Variants in SERINC1 observed in about 807,000 individuals in gnomAD.
SERINC1 encodes the protein serine incorporator 1.
Under a neutral mutation model 52.9 loss-of-function variants are expected in SERINC1, and 38 were observed. That is an observed-to-expected ratio of 0.72 (90% CI 0.55 to 0.94). The LOEUF (loss-of-function observed/expected upper bound fraction) is 0.94. Among genes scored for constraint, SERINC1 ranks in the 40% least tolerant of loss-of-function variants. The pLI, the probability that SERINC1 is intolerant of heterozygous loss-of-function variation, is 0.00. For missense variants in SERINC1, 471 were observed against 533.9 expected (o/e 0.88, Z 1.16); for synonymous variants, 198 against 183.1 (o/e 1.08, Z -0.66).
At chr6:122,447,535 C>T (rs1305754870) in intron 7 of SERINC1, among the ~76,000 whole-genome samples, 1 of 152,094 alleles carries the variant, frequency 6.6e-6, no homozygotes, top group African/African-American at 2.4e-5. Flanking sequence ...ATTACCTCTA[C>T]AATCAGGAAA....
chr6:122,469,816 C>A (rs559501915), intron 1 of SERINC1, among the ~76,000 whole-genome samples: 1 of 152,266 alleles, frequency 6.6e-6, no homozygotes, highest in African/African-American at 2.4e-5. Context: ...CCTCATCCTC[C>A]CAAGTGCTGG....
intron 1 of SERINC1, among the ~76,000 whole-genome samples, chr6:122,463,709 T>C (rs1050746865): frequency 3.3e-5 from 5 of 152,168 alleles, no homozygotes; most frequent in African/African-American, 1.2e-4. Flanking sequence ...CTGACAAGAA[T>C]GCAGAGCAAC....
chr6:122,471,655 G>A (rs775298556), intron 1 of SERINC1, 44 bp downstream of exon 1: 14 of 1,613,158 alleles, frequency 8.7e-6, no homozygotes, highest in Non-Finnish European at 1.2e-5. Context: ...CCTTCTCTTT[G>A]GTCTCTCACA....
rs780017517 is a variant in SERINC1 at position 122,471,783 on chromosome 6, G to T, written c.-46C>A. The T allele has an allele frequency of 1.9e-6, 3 of 1,612,798 alleles. No homozygotes were observed. In the Admixed American group the frequency reaches 5.0e-5, roughly 27 times the overall value. ...AGCGGATACAGACAAGATGGAGACAGCTTCTTTCTCGCCTTTCCGAGATTA... is the reference window on the plus strand; with the variant it reads ...AGCGGATACAGACAAGATGGAGACATCTTCTTTCTCGCCTTTCCGAGATTA... On this transcript the variant is annotated 5_prime_UTR_variant, in exon 1 of 10. The change creates a new upstream start codon in the 5' untranslated region. Coordinates refer to ENST00000339697, the MANE Select transcript of SERINC1 (RefSeq NM_020755.4).
rs1334874701 is a variant in SERINC1, at chr6:122,471,770, C to A, written c.-33G>T. 1 of 1,613,818 alleles carries A rather than the reference C, an allele frequency of 6.2e-7. No individual in the cohort carries two copies. Among genetic ancestry groups the A allele is most frequent in the Non-Finnish European group, 8.5e-7 (1 of 1,179,890 alleles). ...ACGTCACAAGAGCAGCGGATACAGA[C>A]AAGATGGAGACAGCTTCTTTCTCGC... On this transcript the variant is annotated 5_prime_UTR_variant, in exon 1 of 10. Transcript: ENST00000339697.
rs71018202 is a variant in SERINC1 at position 122,445,883 on chromosome 6, C to CAAAAA, written c.1227-709_1227-705dup. Among the ~76,000 whole-genome samples, 24 of 62,820 alleles carry CAAAAA rather than the reference C, an allele frequency of 3.8e-4. 1 individual carries two copies. The highest frequency in any genetic ancestry group is 1.1e-3 in the African/African-American group (16 of 15,208). 41.2% of individuals were successfully genotyped at this position (62,820 alleles called of 152,430 possible). A position where few individuals can be genotyped will look rare whatever the true frequency, so the allele number is the denominator to read the frequency against. On this transcript the variant is annotated intron_variant, in intron 9 of 9. Coordinates refer to ENST00000339697, the MANE Select transcript of SERINC1 (RefSeq NM_020755.4). Reference sequence around the variant, plus strand: ...TGGGTGACAGAGCAAGACTCCATTTCAAAAAAAAAAAAAAAAAGAACCAGC... The same window carrying CAAAAA: ...TGGGTGACAGAGCAAGACTCCATTTCAAAAAAAAAAAAAAAAAAAAAAGAACCAGC...
intron 1 of SERINC1, among the ~76,000 whole-genome samples, chr6:122,461,639 C>A: frequency 6.6e-6 from 1 of 150,378 alleles, no homozygotes; most frequent in Non-Finnish European, 1.5e-5. Context: ...GCACATGTAC[C>A]CTAAAACTTA....
chr6:122,455,017 T>C (rs1774972294), intron 3 of SERINC1, among the ~76,000 whole-genome samples: 1 of 152,210 alleles, frequency 6.6e-6, no homozygotes, highest in South Asian at 2.1e-4. Flanking sequence ...TTGTTAACTT[T>C]ATGTAATTAG....
In SERINC1 at chr6:122,460,217, C is replaced by T. The variant is rs772966681; in HGVS notation, c.40-1536G>A. ...CCTCCTGAGTAGCTGGGATTGCAGG[C>T]GTGCACCACCACACCCGGCTAATTT... On this transcript the variant is annotated intron_variant, in intron 1 of 9. Coordinates refer to ENST00000339697, the MANE Select transcript of SERINC1 (RefSeq NM_020755.4). 7.9e-5 allele frequency among the ~76,000 whole-genome samples: 12 copies of T among 152,166 alleles called. No individual in the cohort carries two copies. The East Asian group carries it at 1.2e-3, about 15-fold the overall frequency.
intron 9 of SERINC1, among the ~76,000 whole-genome samples, chr6:122,446,445 G>C (rs1774804127): frequency 6.6e-6 from 1 of 151,458 alleles, no homozygotes; most frequent in Non-Finnish European, 1.5e-5. Flanking sequence ...AGAGAAAAAA[G>C]GATGTATCCT....
At position 122,471,695 on chromosome 6, in the gene SERINC1, T is replaced by C; in HGVS notation, c.39+4A>G. 6.2e-7 allele frequency: 1 copy of C among 1,614,122 alleles called. No homozygotes were observed. The highest frequency in any genetic ancestry group is 8.5e-7 in the Non-Finnish European group (1 of 1,179,996). ...CACCCCAGAGGCCGCAAAAAGCACC[T>C]TACCCAGCTCGCCATGGAGCACAGC... On this transcript the variant is annotated splice_donor_region_variant and intron_variant, in intron 1 of 9. Transcript: ENST00000339697.
intron 1 of SERINC1, among the ~76,000 whole-genome samples, chr6:122,461,593 G>T (rs918670209): frequency 2.0e-5 from 3 of 151,322 alleles, no homozygotes; most frequent in African/African-American, 7.3e-5. Context: ...CACCAGCATG[G>T]CACATGTATA....
At chr6:122,458,704 A>T (rs1197804482) in intron 1 of SERINC1, 23 bp from the exon 2 acceptor site, 1 of 1,495,314 alleles carries the variant, frequency 6.7e-7, no homozygotes, top group Non-Finnish European at 9.2e-7. Flanking sequence ...ATATTATTGA[A>T]AATATTATTA....
chr6:122,451,949 A>C lies in SERINC1; in HGVS notation c.698T>G (p.Ile233Ser). Reference protein sequence around the residue: ...PASCSENKAFISVNMLLCVGA... With the variant: ...PASCSENKAFSSVNMLLCVGA... ...AACGCAGAGGAGCATGTTGACACTG[A>C]TGAACGCCTTGTTTTCTGAACAACT... is the stretch of plus-strand genomic sequence containing the variant. Residue 233 changes from isoleucine to serine, a missense_variant, in exon 6 of 10, where the codon ATC (isoleucine) becomes AGC (serine). By Grantham distance (142) the Ile-to-Ser change is moderately radical (BLOSUM62 -2). Coordinates refer to ENST00000339697, the MANE Select transcript of SERINC1 (RefSeq NM_020755.4). 6.2e-7 allele frequency: 1 copy of C among 1,600,176 alleles called. No individual in the cohort carries two copies. Among genetic ancestry groups the C allele is most frequent in the Non-Finnish European group, 8.5e-7 (1 of 1,173,910 alleles).
At chr6:122,448,362 T>C (rs1050463923) in intron 7 of SERINC1, among the ~76,000 whole-genome samples, 1 of 152,116 alleles carries the variant, frequency 6.6e-6, no homozygotes, top group Admixed American at 6.6e-5. Context: ...TAAATTGGTC[T>C]CCAAGTTATA....
intron 3 of SERINC1, chr6:122,454,568 A>G: frequency 4.4e-6 from 1 of 228,490 alleles, no homozygotes; most frequent in South Asian, 8.9e-5. Flanking sequence ...AGCCCAGACC[A>G]CGCTAGAGGA....
At chr6:122,458,841 T>C (rs1189336454) in intron 1 of SERINC1, among the ~76,000 whole-genome samples, 160 bp from the exon 2 acceptor site, 2 of 152,158 alleles carry the variant, frequency 1.3e-5, no homozygotes, top group African/African-American at 4.8e-5. Context: ...ATAAATTATC[T>C]ATATACCACA....
In SERINC1 at chr6:122,453,782, A is replaced by C; in HGVS notation, c.577T>G (p.Cys193Gly). ...VEKMEEGNSR[C>G]WYAALLSATA... is the part of the protein sequence containing the mutation. ...GACGAAAGCTTACCTGCATACCAAC[A>C]TCTCGAGTTCCCTTCTTCCATTTTT... Residue 193 changes from cysteine (C) to glycine (G), a missense_variant, in exon 5 of 10, where the codon TGT (cysteine) becomes GGT (glycine). Cys to Gly is a radical substitution (Grantham distance 159). Transcript: ENST00000339697. 1.2e-6 allele frequency: 2 copies of C among 1,602,190 alleles called. No homozygotes were observed. Among genetic ancestry groups the C allele is most frequent in the Non-Finnish European group, 1.7e-6 (2 of 1,172,318 alleles).
chr6:122,451,667 G>T lies in SERINC1; in HGVS notation c.847C>A (p.Pro283Thr). ...YLTWSAMTNEPETNCNPSLLS... is the reference protein window; with the variant it reads ...YLTWSAMTNETETNCNPSLLS... ...ATGTAATATAAATAAAACACACCTG[G>T]TTCATTGGTCATAGCTGACCATGTC... Residue 283 changes from proline (P) to threonine (T), a missense_variant, in exon 7 of 10, where the codon CCA becomes ACA. Physicochemically the swap from Pro to Thr is conservative, Grantham distance 38 (BLOSUM62 -1). Transcript: ENST00000339697. The T allele has an allele frequency of 8.8e-7, 1 of 1,138,890 alleles. No individual in the cohort carries two copies. The highest frequency in any genetic ancestry group is 1.2e-6 in the Non-Finnish European group (1 of 804,702). The allele number at this position is 1,138,890 out of a possible 1,614,324, so 70.5% of individuals were successfully genotyped here.
Sources: allele counts gnomAD v4.1 joint callset (sites outside exome capture counted in the v4.1 genomes callset), GRCh38; gene constraint gnomAD v4.1.1; transcripts MANE v1.5; gene names NCBI Gene and HGNC (gene_info 2026-07-23, HGNC 2026-07-21).